The following SYDE1 variants were observed in gnomAD, a reference collection of about 807,000 sequenced individuals.
SYDE1 encodes the protein synapse defective Rho GTPase activating protein 1.
SYDE1 carries 34 observed loss-of-function variants against 63.3 expected under a neutral mutation model. That is an observed-to-expected ratio of 0.54 (90% CI 0.41 to 0.71). The LOEUF (loss-of-function observed/expected upper bound fraction) is 0.71, where lower values mean the gene tolerates loss of function less well. Ranked by LOEUF, SYDE1 falls within the 30% of genes least tolerant of loss-of-function variation. The pLI is 0.00. For synonymous variants in SYDE1, 467 were observed against 473.4 expected, an observed-to-expected ratio of 0.99 and a Z score of 0.18; for missense variants, 925 against 1,042.5, an observed-to-expected ratio of 0.89 and a Z score of 1.55.
Position 15,111,762 on chromosome 19 carries a change from G to T in SYDE1, c.1548G>T (p.Gly516=). Residue 516 remains glycine, a synonymous_variant, in exon 6 of 8, where the codon GGG becomes GGT. Transcript: ENST00000342784. This position sits in a 1 kb window ranked among gnomAD's most constrained non-coding sequence, Gnocchi z 5.5. ...RVPPTTEGTR[G]LLSCLPDVER... Reference sequence around the variant, plus strand: ...CCCCCACCACTGAGGGCACCCGAGGGCTCCTCAGCTGCCTGCCAGATGTGG... The same window carrying T: ...CCCCCACCACTGAGGGCACCCGAGGTCTCCTCAGCTGCCTGCCAGATGTGG... 6.3e-7 allele frequency: 1 copy of T among 1,598,010 alleles called. No homozygotes were observed. Among genetic ancestry groups the T allele is most frequent in the Non-Finnish European group, 8.5e-7 (1 of 1,172,980 alleles).
In SYDE1 at chr19:15,109,380, A is replaced by C; in HGVS notation, c.413A>C (p.Glu138Ala). Reference sequence around the variant, plus strand: ...CCACAGCCTGGCTCAGCTGAGTCAGAGGGCCTGGCCCCCCAAGGTAAGAAC... The same window carrying C: ...CCACAGCCTGGCTCAGCTGAGTCAGCGGGCCTGGCCCCCCAAGGTAAGAAC... ...PGPQPGSAES[E>A]GLAPQGAAPA... Residue 138 changes from glutamate (E) to alanine (A), a missense_variant, in exon 2 of 8, where the codon GAG becomes GCG. Coordinates refer to ENST00000342784, the MANE Select transcript of SYDE1 (RefSeq NM_033025.6). The surrounding 1 kb of genome is among the most constrained non-coding windows in gnomAD (Gnocchi z 5.0). The C allele has an allele frequency of 6.4e-7, 1 of 1,558,170 alleles. No individual in the cohort carries two copies.
chr19:15,110,665 A>G lies in SYDE1; in HGVS notation c.1220A>G (p.Glu407Gly). 1 of 1,586,108 alleles carries G rather than the reference A, an allele frequency of 6.3e-7. No individual in the cohort carries two copies. The highest frequency in any genetic ancestry group is 8.6e-7 in the Non-Finnish European group (1 of 1,168,056). ...GLPLPLLVER[E>G]RPPGQVPLII... Reference sequence around the variant, plus strand: ...CCCCTGCCACTGCTGGTGGAGCGGGAGCGGCCCCCCGGCCAGGTGCCCCTC... The same window carrying G: ...CCCCTGCCACTGCTGGTGGAGCGGGGGCGGCCCCCCGGCCAGGTGCCCCTC... The change falls in exon 4 of 8, where the codon GAG becomes GGG. Residue 407 changes from glutamate to glycine, a missense_variant. Glu to Gly is a moderately conservative substitution (Grantham distance 98). Around this residue, in one of 3 missense-constraint regions of SYDE1, gnomAD observed 599 missense variants for 653.7 expected, o/e 0.92. Transcript: ENST00000342784. The surrounding 1 kb of genome is among the most constrained non-coding windows in gnomAD (Gnocchi z 6.9).
At position 15,110,974 on chromosome 19, in the gene SYDE1, G is replaced by C. The variant is rs1020887442; in HGVS notation, c.1290+239G>C. Among the ~76,000 whole-genome samples, 3 of 152,012 alleles carry C rather than the reference G, an allele frequency of 2.0e-5. No individual in the cohort carries two copies. The highest frequency in any genetic ancestry group is 4.4e-5 in the Non-Finnish European group (3 of 67,988). Reference sequence around the variant, plus strand: ...TCCTGGGGCTCAGAGTCTGATGGGGGAAAAGATACGACTCTAGTCATTCAC... The same window carrying C: ...TCCTGGGGCTCAGAGTCTGATGGGGCAAAAGATACGACTCTAGTCATTCAC... On this transcript the variant is annotated intron_variant, in intron 4 of 7. Coordinates refer to ENST00000342784, the MANE Select transcript of SYDE1 (RefSeq NM_033025.6). The surrounding 1 kb of genome is among the most constrained non-coding windows in gnomAD (Gnocchi z 6.9).
At position 15,109,909 on chromosome 19, in the gene SYDE1, C is replaced by T. The variant is rs956846628; in HGVS notation, c.636C>T (p.Gly212=). ...SRYHLDSSVG[G]PGPAAGPGGT... Reference sequence around the variant, plus strand: ...ACCACCTGGACAGCAGCGTGGGGGGCCCCGGGCCGGCAGCAGGGCCTGGGG... The same window carrying T: ...ACCACCTGGACAGCAGCGTGGGGGGTCCCGGGCCGGCAGCAGGGCCTGGGG... Residue 212 remains glycine, a synonymous_variant, in exon 3 of 8, where the codon GGC becomes GGT. Coordinates refer to ENST00000342784, the MANE Select transcript of SYDE1 (RefSeq NM_033025.6). This position sits in a 1 kb window ranked among gnomAD's most constrained non-coding sequence, Gnocchi z 5.0. 6 of 1,465,022 alleles carry T rather than the reference C, an allele frequency of 4.1e-6. No homozygotes were observed. The highest frequency in any genetic ancestry group is 5.4e-6 in the Non-Finnish European group (6 of 1,114,602). The allele number at this position is 1,465,022 out of a possible 1,614,324, so 90.8% of individuals were successfully genotyped here.
chr19:15,107,478 C>T lies in SYDE1; in HGVS notation c.45C>T (p.Gly15=). 6.5e-7 allele frequency: 1 copy of T among 1,540,728 alleles called. No individual in the cohort carries two copies. The highest frequency in any genetic ancestry group is 8.8e-7 in the Non-Finnish European group (1 of 1,140,416). Reference sequence around the variant, plus strand: ...GGAAAACCTTCTCCCGCCTGCGGGGCCGGGAGAAACTTCCCCGGAAAAAGT... The same window carrying T: ...GGAAAACCTTCTCCCGCCTGCGGGGTCGGGAGAAACTTCCCCGGAAAAAGT... ...LLRKTFSRLR[G]REKLPRKKSD... The change falls in exon 1 of 8, where the codon GGC becomes GGT. Residue 15 remains glycine, a synonymous_variant. Transcript: ENST00000342784.
chr19:15,114,063 C>G lies in SYDE1; in HGVS notation c.*100C>G. ...GGAGAGCCAGACCTGTTGCTCAGGCCGAGCTCCTGGTTGCCAGCGAGTTAC... is the reference window on the plus strand; with the variant it reads ...GGAGAGCCAGACCTGTTGCTCAGGCGGAGCTCCTGGTTGCCAGCGAGTTAC... On this transcript the variant is annotated 3_prime_UTR_variant, in exon 8 of 8. Transcript: ENST00000342784. The G allele has an allele frequency of 2.4e-6, 3 of 1,274,826 alleles. No individual in the cohort carries two copies. Among genetic ancestry groups the G allele is most frequent in the Non-Finnish European group, 3.3e-6 (3 of 921,948 alleles). The allele number at this position is 1,274,826 out of a possible 1,614,324, so 79.0% of individuals were successfully genotyped here.
In SYDE1 at chr19:15,110,437, G is replaced by A; in HGVS notation, c.1076-84G>A. 6.7e-7 allele frequency: 1 copy of A among 1,485,846 alleles called. No individual in the cohort carries two copies. The highest frequency in any genetic ancestry group is 9.0e-7 in the Non-Finnish European group (1 of 1,113,372). The allele number at this position is 1,485,846 out of a possible 1,614,324, so 92.0% of individuals were successfully genotyped here. A position where few individuals can be genotyped will look rare whatever the true frequency, so the allele number is the denominator to read the frequency against. ...AGAGTGCCTAGGGGGCTGGGCTCCG[G>A]GCGGAAGGTGTGGCCTGGAGCAGCG... On this transcript the variant is annotated intron_variant, in intron 3 of 7. Transcript: ENST00000342784. The surrounding 1 kb of genome is among the most constrained non-coding windows in gnomAD (Gnocchi z 6.9).
At position 15,110,261 on chromosome 19, in the gene SYDE1, C is replaced by T. The variant is rs911209807; in HGVS notation, c.988C>T (p.Arg330Cys). 8 of 1,415,980 alleles carry T rather than the reference C, an allele frequency of 5.6e-6. No homozygotes were observed. The African/African-American group carries it at 8.9e-5, about 16-fold the overall frequency. 87.7% of individuals were successfully genotyped at this position (1,415,980 alleles called of 1,614,324 possible). Residue 330 changes from arginine (R) to cysteine (C), a missense_variant, in exon 3 of 8, where the codon CGC (arginine) becomes TGC (cysteine). Coordinates refer to ENST00000342784, the MANE Select transcript of SYDE1 (RefSeq NM_033025.6). The surrounding 1 kb of genome is among the most constrained non-coding windows in gnomAD (Gnocchi z 6.9). ...HLELEAARLLRALVLAWDPGV... is the reference protein window; with the variant it reads ...HLELEAARLLCALVLAWDPGV... Reference sequence around the variant, plus strand: ...GGAGCTGGAGGCCGCCAGGCTCCTGCGCGCCCTGGTGCTTGCGTGGGACCC... The same window carrying T: ...GGAGCTGGAGGCCGCCAGGCTCCTGTGCGCCCTGGTGCTTGCGTGGGACCC...
At position 15,110,555 on chromosome 19, in the gene SYDE1, G is replaced by A; in HGVS notation, c.1110G>A (p.Glu370=). The A allele has an allele frequency of 6.3e-7, 1 of 1,596,378 alleles. No individual in the cohort carries two copies. The highest frequency in any genetic ancestry group is 8.5e-7 in the Non-Finnish European group (1 of 1,174,162). Residue 370 remains glutamate, a synonymous_variant, in exon 4 of 8, where the codon GAG becomes GAA. Transcript: ENST00000342784. The surrounding 1 kb of genome is among the most constrained non-coding windows in gnomAD (Gnocchi z 6.9). ...CQAQQLAVRL[E]PQGLLYAKLT... ...CCCAACAGCTGGCCGTGCGCCTGGA[G>A]CCTCAGGGGCTGCTGTATGCCAAGC...
intron 7 of SYDE1, 133 bp downstream of exon 7, chr19:15,112,704 C>G (rs1157695116): frequency 1.7e-5 from 12 of 693,310 alleles, no homozygotes; most frequent in Admixed American, 6.3e-5. Flanking sequence ...CTGGTTGCCT[C>G]AGCAACCAGT....
In SYDE1 at chr19:15,110,290, C is replaced by T. The variant is rs1476124907; in HGVS notation, c.1017C>T (p.Gly339=). The T allele has an allele frequency of 9.2e-6, 13 of 1,418,932 alleles. No homozygotes were observed. In the South Asian group the frequency reaches 1.4e-4, roughly 15 times the overall value. The allele number at this position is 1,418,932 out of a possible 1,614,324, so 87.9% of individuals were successfully genotyped here. ...LRALVLAWDP[G]VRRHRPCAQG... Reference sequence around the variant, plus strand: ...CCCTGGTGCTTGCGTGGGACCCTGGCGTGAGAAGGCACCGGCCCTGTGCCC... The same window carrying T: ...CCCTGGTGCTTGCGTGGGACCCTGGTGTGAGAAGGCACCGGCCCTGTGCCC... The change falls in exon 3 of 8, where the codon GGC becomes GGT. Residue 339 remains glycine (G), a synonymous_variant. Coordinates refer to ENST00000342784, the MANE Select transcript of SYDE1 (RefSeq NM_033025.6). This position sits in a 1 kb window ranked among gnomAD's most constrained non-coding sequence, Gnocchi z 6.9.
chr19:15,112,732 G>T (rs2046353469), intron 7 of SYDE1, among the ~76,000 whole-genome samples, 161 bp downstream of exon 7: 1 of 152,166 alleles, frequency 6.6e-6, no homozygotes, highest in African/African-American at 2.4e-5. Context: ...CAACCAATCT[G>T]TCTGTTTTGT....
At position 15,110,991 on chromosome 19, in the gene SYDE1, G is replaced by A. The variant is rs2046342725; in HGVS notation, c.1290+256G>A. ...TGATGGGGGAAAAGATACGACTCTA[G>A]TCATTCACAAATGTAAAACTATAAC... On this transcript the variant is annotated intron_variant, in intron 4 of 7. Transcript: ENST00000342784. The surrounding 1 kb of genome is among the most constrained non-coding windows in gnomAD (Gnocchi z 6.9). Among the ~76,000 whole-genome samples, 1 of 152,194 alleles carries A rather than the reference G, an allele frequency of 6.6e-6. No individual in the cohort carries two copies. Among genetic ancestry groups the A allele is most frequent in the Non-Finnish European group, 1.5e-5 (1 of 68,022 alleles).
chr19:15,109,667 C>T lies in SYDE1; in HGVS notation c.431-37C>T, dbSNP rs199829342. On this transcript the variant is annotated intron_variant, in intron 2 of 7. Coordinates refer to ENST00000342784, the MANE Select transcript of SYDE1 (RefSeq NM_033025.6). This position sits in a 1 kb window ranked among gnomAD's most constrained non-coding sequence, Gnocchi z 5.0. ...CCAGCCTCACCCCCCTCCCCTAAGCCCAGGTTCCTGGACCCTGAAGTCTGC... is the reference window on the plus strand; with the variant it reads ...CCAGCCTCACCCCCCTCCCCTAAGCTCAGGTTCCTGGACCCTGAAGTCTGC... The T allele has an allele frequency of 1.4e-6, 2 of 1,385,630 alleles. No individual in the cohort carries two copies. Among genetic ancestry groups the T allele is most frequent in the East Asian group, 5.2e-5 (2 of 38,764 alleles). The allele number at this position is 1,385,630 out of a possible 1,614,324, so 85.8% of individuals were successfully genotyped here.
chr19:15,107,566 G>A, intron 1 of SYDE1, 45 bp downstream of exon 1: 2 of 1,451,036 alleles, frequency 1.4e-6, no homozygotes, highest in Non-Finnish European at 1.9e-6. Flanking sequence ...AGCCCCACCC[G>A]GCCTGGGAGC....
chr19:15,112,439 G>T lies in SYDE1; in HGVS notation c.1672G>T (p.Gly558Trp). The T allele has an allele frequency of 6.2e-7, 1 of 1,602,134 alleles. No homozygotes were observed. The change falls in exon 7 of 8, where the codon GGG becomes TGG. Residue 558 changes from glycine to tryptophan, a missense_variant. Physicochemically the swap from Gly to Trp is radical, Grantham distance 184. Around this residue, in one of 3 missense-constraint regions of SYDE1, gnomAD observed 255 missense variants for 255.9 expected, o/e 1.00. Transcript: ENST00000342784. The stretch of plus-strand genomic sequence containing the variant: ...CCCACAGAACTTGGCCGTGTGCTTC[G>T]GGCCTGTGCTGCTGCCGGCACGCCA... Reference protein sequence around the residue: ...MTPQNLAVCFGPVLLPARQAP... With the variant: ...MTPQNLAVCFWPVLLPARQAP...
In SYDE1 at chr19:15,111,379, C is replaced by T. The variant is rs371156991; in HGVS notation, c.1357C>T (p.Arg453Trp). The T allele has an allele frequency of 1.2e-5, 19 of 1,613,970 alleles. No homozygotes were observed. The highest frequency in any genetic ancestry group is 2.2e-5 in the East Asian group (1 of 44,888). The stretch of plus-strand genomic sequence containing the variant: ...GAAAGAGCTTCGGGATGCCTTTGAG[C>T]GGGACAGTGCAGCGGTCTGCCTATC... ...VKKELRDAFE[R>W]DSAAVCLSED... The change falls in exon 5 of 8, where the codon CGG (arginine) becomes TGG (tryptophan). Residue 453 changes from arginine to tryptophan, a missense_variant. By Grantham distance (101) the Arg-to-Trp change is moderately radical. Transcript: ENST00000342784. This position sits in a 1 kb window ranked among gnomAD's most constrained non-coding sequence, Gnocchi z 5.5.
chr19:15,113,987 G>C lies in SYDE1; in HGVS notation c.*24G>C, dbSNP rs376606936. The C allele has an allele frequency of 6.3e-7, 1 of 1,597,186 alleles. No homozygotes were observed. Among genetic ancestry groups the C allele is most frequent in the Non-Finnish European group, 8.5e-7 (1 of 1,170,068 alleles). On this transcript the variant is annotated 3_prime_UTR_variant, in exon 8 of 8. Transcript: ENST00000342784. Reference sequence around the variant, plus strand: ...GAGCCAGATGACGGGGTGGGACCCCGGTTAGTAAGGACCGGGCGCCCAGTG... The same window carrying C: ...GAGCCAGATGACGGGGTGGGACCCCCGTTAGTAAGGACCGGGCGCCCAGTG...
At position 15,113,822 on chromosome 19, in the gene SYDE1, G is replaced by A; in HGVS notation, c.2067G>A (p.Glu689=). Residue 689 remains glutamate, a synonymous_variant, in exon 8 of 8, where the codon GAG becomes GAA. Coordinates refer to ENST00000342784, the MANE Select transcript of SYDE1 (RefSeq NM_033025.6). ...GTGACAGCGAGGACGAGGACGAGGA[G>A]GTCGGCGAGCCGAGGGTCACCGGTG... The part of the protein sequence containing the change: ...TGSDSEDEDE[E]VGEPRVTGDF... 2.5e-6 allele frequency: 4 copies of A among 1,614,136 alleles called. No individual in the cohort carries two copies. Among genetic ancestry groups the A allele is most frequent in the Non-Finnish European group, 3.4e-6 (4 of 1,180,032 alleles).
Sources: gnomAD v4.1 joint callset for allele counts (sites outside exome capture counted in the v4.1 genomes callset) on GRCh38, gnomAD v4.1.1 for gene constraint, gnomAD v4.1.1 regional missense constraint, Gnocchi (gnomAD v3.1) non-coding constraint, MANE v1.5 for transcripts, NCBI Gene and HGNC (gene_info 2026-07-23, HGNC 2026-07-21) for gene names.